ATG16L1: variants seen among roughly 807,000 people sequenced by gnomAD.
ATG16L1 encodes the protein autophagy related 16 like 1.
In ATG16L1, 37 loss-of-function variants were observed where a neutral mutation model predicts 88.5. The observed-to-expected ratio is 0.42, with a 90% confidence interval of 0.32 to 0.55. The LOEUF is 0.55. Among genes scored for constraint, ATG16L1 ranks in the 20% least tolerant of loss-of-function variants. ATG16L1 has a pLI of 0.13. For synonymous variants in ATG16L1, 301 were observed against 281.0 expected, an observed-to-expected ratio of 1.07 and a Z score of -0.71; for missense variants, 554 against 752.8, an observed-to-expected ratio of 0.74 and a Z score of 3.09.
intron 6 of ATG16L1, among the ~76,000 whole-genome samples, chr2:233,272,481 C>T (rs1472662115): frequency 6.6e-6 from 1 of 152,192 alleles, no homozygotes; most frequent in Non-Finnish European, 1.5e-5. Context: ...TTAGCCATCC[C>T]TTCTTTCCCT....
rs550897509 is a variant in ATG16L1 at position 233,276,192 on chromosome 2, T to C, written c.955-1376T>C. 2.0e-5 allele frequency among the ~76,000 whole-genome samples: 3 copies of C among 152,196 alleles called. No individual in the cohort carries two copies. The South Asian group carries it at 6.2e-4, about 31-fold the overall frequency. ...CCGTGATACTTCAAGCATTTTATTT[T>C]TTTTTAGTCCCAAGCAAATGTAAAT... On this transcript the variant is annotated intron_variant, in intron 9 of 17. Coordinates refer to ENST00000392017, the MANE Select transcript of ATG16L1 (RefSeq NM_030803.7).
At chr2:233,283,531 G>C (rs1224847233) in intron 12 of ATG16L1, among the ~76,000 whole-genome samples, 2 of 151,544 alleles carry the variant, frequency 1.3e-5, no homozygotes, top group Admixed American at 1.3e-4. Flanking sequence ...CAAAAACAGA[G>C]GAAGTAATGT....
intron 12 of ATG16L1, among the ~76,000 whole-genome samples, chr2:233,289,401 G>GTGTGTGTGTGTGTGTT (rs1262858533): frequency 2.0e-5 from 3 of 148,710 alleles, no homozygotes; most frequent in Admixed American, 2.0e-4. Context: ...GTGTGTGTGT[G>GTGTGTGTGTGTGTGTT]TGTGTGTGAC....
rs1279096340 is a variant in ATG16L1, at chr2:233,265,109, A to C, written c.607A>C (p.Asn203His). 1.2e-6 allele frequency: 2 copies of C among 1,614,134 alleles called. No individual in the cohort carries two copies. Among genetic ancestry groups the C allele is most frequent in the African/African-American group, 2.7e-5 (2 of 74,946 alleles). Residue 203 changes from asparagine to histidine, a missense_variant, in exon 5 of 18, where the codon AAT becomes CAT. Around this residue, in one of 5 missense-constraint regions of ATG16L1, gnomAD observed 370 missense variants for 509.7 expected, o/e 0.73. Coordinates refer to ENST00000392017, the MANE Select transcript of ATG16L1 (RefSeq NM_030803.7). Reference protein sequence around the residue: ...RWMAEKAQEANRLNAENEKDS... With the variant: ...RWMAEKAQEAHRLNAENEKDS... ...GATGGCTGAGAAAGCCCAGGAAGCCAATCGGCTTAATGCAGAGAATGAAAA... is the reference window on the plus strand; with the variant it reads ...GATGGCTGAGAAAGCCCAGGAAGCCCATCGGCTTAATGCAGAGAATGAAAA...
At chr2:233,293,950 G>A (rs369037317) in intron 17 of ATG16L1, among the ~76,000 whole-genome samples, 1 of 152,192 alleles carries the variant, frequency 6.6e-6, no homozygotes, top group Non-Finnish European at 1.5e-5. Flanking sequence ...CTCTTCAGAG[G>A]CATGTGTACT....
Position 233,277,687 on chromosome 2 carries a change from G to A in ATG16L1, c.1060+14G>A. On this transcript the variant is annotated intron_variant, in intron 10 of 17. Coordinates refer to ENST00000392017, the MANE Select transcript of ATG16L1 (RefSeq NM_030803.7). ...AAGTATTTGGAGGTGAGAGCCTGCT[G>A]CATGTTCTCAGACTGAAAACTTGAG... 2 of 1,609,042 alleles carry A rather than the reference G, an allele frequency of 1.2e-6. No homozygotes were observed. The highest frequency in any genetic ancestry group is 1.7e-6 in the Non-Finnish European group (2 of 1,175,614).
At chr2:233,275,462 C>G in intron 9 of ATG16L1, 1 of 345,928 alleles carries the variant, frequency 2.9e-6, no homozygotes, top group South Asian at 2.3e-5. Flanking sequence ...TAATAACTGG[C>G]AGCGGGTAAG....
chr2:233,252,590 G>A (rs1696454941), intron 1 of ATG16L1, among the ~76,000 whole-genome samples: 1 of 151,990 alleles, frequency 6.6e-6, no homozygotes, highest in Admixed American at 6.6e-5. Flanking sequence ...GTCTCACTGT[G>A]TTTCCCAGGC....
intron 11 of ATG16L1, among the ~76,000 whole-genome samples, chr2:233,281,798 T>A (rs982842921): frequency 6.6e-6 from 1 of 152,198 alleles, no homozygotes; most frequent in Non-Finnish European, 1.5e-5. Flanking sequence ...AGTCCTTATC[T>A]TGATTGTCAT....
At chr2:233,285,822 G>A (rs1417160751) in intron 12 of ATG16L1, among the ~76,000 whole-genome samples, 4 of 152,202 alleles carry the variant, frequency 2.6e-5, no homozygotes, top group Non-Finnish European at 5.9e-5. Flanking sequence ...GCCCTGTTCG[G>A]TGTCTCCTTT....
chr2:233,278,445 G>A (rs1035400128), intron 10 of ATG16L1, among the ~76,000 whole-genome samples: 9 of 152,150 alleles, frequency 5.9e-5, no homozygotes, highest in Admixed American at 2.6e-4. Flanking sequence ...TATCCCTGTC[G>A]AGCAATAAAT....
intron 9 of ATG16L1, among the ~76,000 whole-genome samples, chr2:233,276,361 C>T (rs555840467): frequency 6.6e-6 from 1 of 152,294 alleles, no homozygotes; most frequent in African/African-American, 2.4e-5. Context: ...TCTTCCCCCC[C>T]ACACTTATGC....
At chr2:233,260,638 G>T (rs1016940338) in intron 2 of ATG16L1, among the ~76,000 whole-genome samples, 7 of 152,198 alleles carry the variant, frequency 4.6e-5, no homozygotes, top group Admixed American at 2.0e-4. Flanking sequence ...GATATTCATT[G>T]TAAGTAAAAT....
At chr2:233,288,649 A>G in intron 12 of ATG16L1, 1 of 427,596 alleles carries the variant, frequency 2.3e-6, no homozygotes. Context: ...TTACACATAG[A>G]AAAATGTTGA....
Position 233,292,208 on chromosome 2 carries a change from T to A in ATG16L1, c.1511T>A (p.Leu504Gln), listed in dbSNP as rs1699508528. ...LDLNPERTEL[L>Q]SCSRDDLLKV... is the part of the protein sequence containing the mutation. ...TTAAACCCAGAAAGGACTGAGCTCC[T>A]GAGCTGCTCCCGTGATGACTTGCTA... Residue 504 changes from leucine to glutamine, a missense_variant, in exon 15 of 18, where the codon CTG becomes CAG. This residue lies in a region of ATG16L1 where 370 missense variants were observed against 509.7 expected (regional missense o/e 0.73). Coordinates refer to ENST00000392017, the MANE Select transcript of ATG16L1 (RefSeq NM_030803.7). 1 of 1,614,136 alleles carries A rather than the reference T, an allele frequency of 6.2e-7. No individual in the cohort carries two copies. The highest frequency in any genetic ancestry group is 8.5e-7 in the Non-Finnish European group (1 of 1,180,038).
chr2:233,264,339 C>G (rs1697420119), intron 4 of ATG16L1, among the ~76,000 whole-genome samples: 1 of 152,204 alleles, frequency 6.6e-6, no homozygotes, highest in Admixed American at 6.5e-5. Flanking sequence ...CCTGTGGCCG[C>G]TGTGTGTGGG....
intron 3 of ATG16L1, among the ~76,000 whole-genome samples, chr2:233,263,728 A>G (rs998853883): frequency 2.0e-5 from 3 of 152,096 alleles, no homozygotes; most frequent in African/African-American, 7.3e-5. Context: ...ATGAGTCTCC[A>G]AAAAGGTAGC....
intron 5 of ATG16L1, among the ~76,000 whole-genome samples, 191 bp downstream of exon 5, chr2:233,265,334 A>T (rs1697487741): frequency 6.6e-6 from 1 of 152,270 alleles, no homozygotes; most frequent in African/African-American, 2.4e-5. Context: ...ATACACCACA[A>T]TTAGAATTCT....
Position 233,264,079 on chromosome 2 carries a change from C to T in ATG16L1, c.389+14C>T, listed in dbSNP as rs1697397377. ...GAATGAAGCAAAGTGAGTAGAGACCCCGCCTCCTTGGAGCCTGGTCATTGG... is the reference window on the plus strand; with the variant it reads ...GAATGAAGCAAAGTGAGTAGAGACCTCGCCTCCTTGGAGCCTGGTCATTGG... On this transcript the variant is annotated intron_variant, in intron 4 of 17. Transcript: ENST00000392017. 3.7e-6 allele frequency: 6 copies of T among 1,613,584 alleles called. No homozygotes were observed. Among genetic ancestry groups the T allele is most frequent in the South Asian group, 3.3e-5 (3 of 91,054 alleles).
Sources: gnomAD v4.1 joint callset for allele counts (sites outside exome capture counted in the v4.1 genomes callset) on GRCh38, gnomAD v4.1.1 for gene constraint, gnomAD v4.1.1 regional missense constraint, MANE v1.5 for transcripts, NCBI Gene and HGNC (gene_info 2026-07-23, HGNC 2026-07-21) for gene names.